The following PDE4D variants were observed in gnomAD, a reference collection of about 807,000 sequenced individuals.
The protein encoded by PDE4D is 3',5'-cyclic-AMP phosphodiesterase 4D.
Under a neutral mutation model 87.4 loss-of-function variants are expected in PDE4D, and 24 were observed. That is an observed-to-expected ratio of 0.27 (90% confidence interval 0.20 to 0.39). The LOEUF (loss-of-function observed/expected upper bound fraction) is 0.39, where lower values mean the gene tolerates loss of function less well. Among genes scored for constraint, PDE4D ranks in the 10% least tolerant of loss-of-function variants. The pLI is 1.00. For synonymous variants in PDE4D, 384 were observed against 383.2 expected, an observed-to-expected ratio of 1.00 and a Z score of -0.02; for missense variants, 714 against 1,041.0, an observed-to-expected ratio of 0.69 and a Z score of 4.32.
intron 1 of PDE4D, among the ~76,000 whole-genome samples, chr5:59,574,102 A>T (rs1243134448): frequency 6.3e-4 from 2 of 3,180 alleles, no homozygotes; most frequent in Non-Finnish European, 9.4e-4. Flanking sequence ...ATAAATATAT[A>T]TTTATATATA....
chr5:59,122,705 T>C (rs910981698), intron 5 of PDE4D, among the ~76,000 whole-genome samples: 1 of 152,248 alleles, frequency 6.6e-6, no homozygotes, highest in Non-Finnish European at 1.5e-5. Flanking sequence ...TCATATCACA[T>C]AAACTTAAAA....
At chr5:59,812,852 A>G (rs1217989204) in intron 1 of PDE4D, among the ~76,000 whole-genome samples, 1 of 152,248 alleles carries the variant, frequency 6.6e-6, no homozygotes, top group African/African-American at 2.4e-5. Context: ...TGTCTCTGCC[A>G]GTAATATACA....
chr5:59,349,886 G>A (rs1347499426), intron 1 of PDE4D, among the ~76,000 whole-genome samples: 3 of 152,042 alleles, frequency 2.0e-5, no homozygotes, highest in African/African-American at 7.2e-5. Context: ...TTCTGCCTGT[G>A]GTTGTTCCAT....
intron 13 of PDE4D, 145 bp downstream of exon 13, chr5:58,976,205 A>C: frequency 1.1e-6 from 1 of 870,628 alleles, no homozygotes; most frequent in Non-Finnish European, 1.7e-6. Flanking sequence ...CTCAGGAATA[A>C]AAATTTGGAT....
intron 1 of PDE4D, among the ~76,000 whole-genome samples, chr5:60,323,356 G>T (rs79456405): frequency 0.1 from 15,175 of 152,032 alleles, 1,012 homozygotes; most frequent in South Asian, 0.28. Context: ...CCAGTAAATG[G>T]TACCACCAAC....
At chr5:59,583,254 A>T (rs1207432300) in intron 1 of PDE4D, among the ~76,000 whole-genome samples, 1 of 152,254 alleles carries the variant, frequency 6.6e-6, no homozygotes, top group East Asian at 1.9e-4. Flanking sequence ...TTCATGTTAG[A>T]CCCTGGCATG....
chr5:58,995,409 A>C (rs1283882144), intron 6 of PDE4D, among the ~76,000 whole-genome samples: 1 of 152,196 alleles, frequency 6.6e-6, no homozygotes, highest in African/African-American at 2.4e-5. Flanking sequence ...TATATCTTAT[A>C]ACCTACTGAA....
intron 1 of PDE4D, among the ~76,000 whole-genome samples, chr5:59,251,841 C>T (rs1176019436): frequency 3.3e-5 from 5 of 152,128 alleles, no homozygotes; most frequent in African/African-American, 1.2e-4. Flanking sequence ...GAATACCATG[C>T]AGCCATAAAA....
At chr5:59,249,459 G>A (rs1759495689) in intron 1 of PDE4D, among the ~76,000 whole-genome samples, 1 of 151,978 alleles carries the variant, frequency 6.6e-6, no homozygotes, top group African/African-American at 2.4e-5. Context: ...ATTTTACTAA[G>A]GAAATATTCA....
intron 2 of PDE4D, among the ~76,000 whole-genome samples, chr5:60,083,990 T>C (rs1044044120): frequency 1.3e-5 from 2 of 152,240 alleles, no homozygotes; most frequent in Non-Finnish European, 2.9e-5. Flanking sequence ...TTTTCTTCAT[T>C]GTAAATTGCG....
In PDE4D at chr5:59,194,879, G is replaced by A. The variant is rs1745109684; in HGVS notation, c.648-1343C>T. 3.3e-5 allele frequency among the ~76,000 whole-genome samples: 5 copies of A among 152,316 alleles called. No individual in the cohort carries two copies. The South Asian group carries it at 1.0e-3, about 32-fold the overall frequency. ...CCCATGTTGATGTTTAATTGCCATT[G>A]CAACAGTATTAAGAGGTGGGGGCCT... On this transcript the variant is annotated intron_variant, in intron 2 of 14. Coordinates refer to ENST00000340635, the MANE Select transcript of PDE4D (RefSeq NM_001104631.2).
chr5:60,141,519 G>A (rs542347634), intron 2 of PDE4D, among the ~76,000 whole-genome samples: 1 of 152,272 alleles, frequency 6.6e-6, no homozygotes, highest in African/African-American at 2.4e-5. Context: ...TTAGGTTGCA[G>A]CCACAGCAAG....
intron 1 of PDE4D, among the ~76,000 whole-genome samples, chr5:59,222,318 G>A (rs1219603979): frequency 6.6e-6 from 1 of 152,116 alleles, no homozygotes; most frequent in African/African-American, 2.4e-5. Flanking sequence ...TGCTTCCCTA[G>A]TTTAAACTTT....
At chr5:60,379,447 G>A (rs73108632) in intron 1 of PDE4D, among the ~76,000 whole-genome samples, 2,723 of 152,232 alleles carry the variant, frequency 0.018, 96 homozygotes, top group African/African-American at 0.062. Flanking sequence ...AAAGGACATG[G>A]TCCACAGGTC....
intron 1 of PDE4D, among the ~76,000 whole-genome samples, chr5:60,278,736 CT>C (rs1751608171): frequency 2.0e-5 from 3 of 152,098 alleles, no homozygotes; most frequent in Admixed American, 1.3e-4. Flanking sequence ...CGTGGCTCAT[CT>C]TTTTCTCTTT....
intron 1 of PDE4D, among the ~76,000 whole-genome samples, chr5:59,293,329 G>A (rs1210854889): frequency 1.3e-5 from 2 of 152,176 alleles, no homozygotes; most frequent in East Asian, 3.9e-4. Context: ...TAGCATTGCT[G>A]GTGGCCCCAC....
intron 5 of PDE4D, among the ~76,000 whole-genome samples, chr5:59,081,615 A>G (rs527240656): frequency 9.2e-5 from 14 of 151,630 alleles, no homozygotes; most frequent in African/African-American, 3.1e-4. Flanking sequence ...CCATATGGTT[A>G]TACAATTATC....
chr5:59,502,663 AGTGTGTGTGTGTGTGTGTGTGT>A lies in PDE4D; in HGVS notation c.456-286717_456-286696del, dbSNP rs56100725. Among the ~76,000 whole-genome samples the A allele has an allele frequency of 2.9e-4, 39 of 135,258 alleles. No homozygotes were observed. In the South Asian group the frequency reaches 6.1e-3, roughly 21 times the overall value. The allele number at this position is 135,258 out of a possible 152,430, so 88.7% of individuals were successfully genotyped here. A position where few individuals can be genotyped will look rare whatever the true frequency, so the allele number is the denominator to read the frequency against. ...AGATAATTTCTTTATTCCTTAAGGT[AGTGTGTGTGTGTGTGTGTGTGT>A]GTGTGTGTGTGTGTGTGTGTGTGTG... is the stretch of plus-strand genomic sequence containing the variant. On this transcript the variant is annotated intron_variant, in intron 1 of 14. Transcript: ENST00000340635.
intron 1 of PDE4D, among the ~76,000 whole-genome samples, chr5:59,781,578 G>A (rs1024763371): frequency 6.6e-6 from 1 of 151,828 alleles, no homozygotes; most frequent in African/African-American, 2.4e-5. Context: ...ACGAGGTCAG[G>A]AATTCAAAAC....
Sources: gnomAD v4.1 joint callset for allele counts (sites outside exome capture counted in the v4.1 genomes callset) on GRCh38, gnomAD v4.1.1 for gene constraint, MANE v1.5 for transcripts, NCBI Gene and HGNC (gene_info 2026-07-23, HGNC 2026-07-21) for gene names.